ALKAL1: variants seen among roughly 807,000 people sequenced by gnomAD.
ALKAL1 encodes AUG-beta.
ALKAL1 carries 23 observed loss-of-function variants against 13.5 expected under a neutral mutation model. The ratio of observed to expected loss-of-function variants is 1.70; its 90% confidence interval spans 1.23 to 2.41. ALKAL1 has a LOEUF of 2.41. Among genes scored for constraint, ALKAL1 ranks in the 30% most tolerant of loss-of-function variants. The probability of loss-of-function intolerance (pLI) is 0.00; values close to 1 mark genes in which losing one functional copy is unlikely to be tolerated. For synonymous variants in ALKAL1, 85 were observed against 77.7 expected, an observed-to-expected ratio of 1.09 and a Z score of -0.49; for missense variants, 181 against 178.4, an observed-to-expected ratio of 1.01 and a Z score of -0.08.
At chr8:52,556,915 A>C (rs1847490142) in intron 1 of ALKAL1, among the ~76,000 whole-genome samples, 2 of 152,172 alleles carry the variant, frequency 1.3e-5, no homozygotes, top group Admixed American at 6.5e-5. Flanking sequence ...GTAATTCTTT[A>C]ATGTAGTAAT....
At chr8:52,541,168 T>C (rs879942997) in intron 2 of ALKAL1, among the ~76,000 whole-genome samples, 4 of 152,190 alleles carry the variant, frequency 2.6e-5, no homozygotes, top group Non-Finnish European at 4.4e-5. Context: ...GCACAGTATT[T>C]ATCTGTGCTC....
chr8:52,543,438 A>AG (rs1847333964), intron 1 of ALKAL1, among the ~76,000 whole-genome samples: 1 of 152,128 alleles, frequency 6.6e-6, no homozygotes, highest in Non-Finnish European at 1.5e-5. Context: ...TGAGCTCCTG[A>AG]GGGACGTGGG....
chr8:52,535,276 A>C (rs1235527664), intron 4 of ALKAL1, among the ~76,000 whole-genome samples: 1 of 152,058 alleles, frequency 6.6e-6, no homozygotes, highest in Non-Finnish European at 1.5e-5. Flanking sequence ...GGCCAGGCAC[A>C]ATGGCTCATG....
intron 1 of ALKAL1, among the ~76,000 whole-genome samples, chr8:52,548,267 C>T (rs184648851): frequency 1.3e-5 from 2 of 152,022 alleles, no homozygotes; most frequent in African/African-American, 2.4e-5. Flanking sequence ...AGGGGAATCA[C>T]GTGAACCTAG....
Position 52,565,101 on chromosome 8 carries a change from C to A in ALKAL1, c.156G>T (p.Gly52=), listed in dbSNP as rs1385177053. 2.8e-6 allele frequency: 4 copies of A among 1,418,394 alleles called. No homozygotes were observed. Among genetic ancestry groups the A allele is most frequent in the Admixed American group, 2.9e-5 (1 of 34,126 alleles). The allele number at this position is 1,418,394 out of a possible 1,614,324, so 87.9% of individuals were successfully genotyped here. The part of the protein sequence containing the change: ...PKPLLFLPAA[G]AGRTPSGSRS... ...GGGAGCCGCTGGGAGTCCGGCCGGCCCCGGCCGCGGGGAGGAAAAGCAACG... is the reference window on the plus strand; with the variant it reads ...GGGAGCCGCTGGGAGTCCGGCCGGCACCGGCCGCGGGGAGGAAAAGCAACG... The change falls in exon 1 of 5, where the codon GGG becomes GGT. Residue 52 remains glycine (G), a synonymous_variant. Coordinates refer to ENST00000358543, the MANE Select transcript of ALKAL1 (RefSeq NM_207413.4).
intron 1 of ALKAL1, among the ~76,000 whole-genome samples, chr8:52,543,684 A>C (rs939673305): frequency 2.6e-5 from 4 of 152,220 alleles, no homozygotes; most frequent in Non-Finnish European, 5.9e-5. Flanking sequence ...ATAATGCTCC[A>C]GCCCGAACAT....
intron 1 of ALKAL1, among the ~76,000 whole-genome samples, chr8:52,556,054 G>A (rs1442003577): frequency 6.6e-6 from 1 of 152,090 alleles, no homozygotes; most frequent in Non-Finnish European, 1.5e-5. Context: ...GCAAAAATTG[G>A]CTACAAGAAA....
intron 1 of ALKAL1, among the ~76,000 whole-genome samples, chr8:52,564,082 G>T (rs1290917475): frequency 6.6e-6 from 1 of 152,186 alleles, no homozygotes; most frequent in Non-Finnish European, 1.5e-5. Context: ...TGAGGAGAAG[G>T]GATCAGGAGC....
intron 1 of ALKAL1, among the ~76,000 whole-genome samples, chr8:52,553,863 C>T (rs544885870): frequency 1.3e-5 from 2 of 152,234 alleles, no homozygotes; most frequent in East Asian, 3.9e-4. Flanking sequence ...TCTAGTTAAT[C>T]CCCCTTCCAG....
At chr8:52,535,178 GAA>G (rs33921488) in intron 4 of ALKAL1, among the ~76,000 whole-genome samples, 25,816 of 151,978 alleles carry the variant, frequency 0.17, 2,474 homozygotes, top group South Asian at 0.26. Flanking sequence ...TAAAAACAAA[GAA>G]AGAGATAAAC....
At chr8:52,546,996 G>C (rs560652648) in intron 1 of ALKAL1, among the ~76,000 whole-genome samples, 2 of 152,312 alleles carry the variant, frequency 1.3e-5, no homozygotes, top group South Asian at 4.1e-4. Context: ...AAATTAAAAT[G>C]GTGGGAGGCG....
In ALKAL1 at chr8:52,534,531, A is replaced by G. The variant is rs1025607713; in HGVS notation, c.*82T>C. 1.0e-5 allele frequency: 6 copies of G among 584,728 alleles called. No homozygotes were observed. Among genetic ancestry groups the G allele is most frequent in the African/African-American group, 9.6e-5 (5 of 52,256 alleles). The allele number at this position is 584,728 out of a possible 1,614,324, so 36.2% of individuals were successfully genotyped here. On this transcript the variant is annotated 3_prime_UTR_variant, in exon 5 of 5. Transcript: ENST00000358543. ...TAATATCCATAAAAATATAAATTTC[A>G]TCTTTTTTTACATTTTGCATGATTT...
Position 52,552,565 on chromosome 8 carries a change from T to A in ALKAL1, c.191-10120A>T, listed in dbSNP as rs1023274899. On this transcript the variant is annotated intron_variant, in intron 1 of 4. Transcript: ENST00000358543. The stretch of plus-strand genomic sequence containing the variant: ...AGAGGTTTGTCTTTTCTCCTCCAGT[T>A]ATTTATTTACTCATTTATTTACACA... 2.6e-5 allele frequency among the ~76,000 whole-genome samples: 4 copies of A among 152,324 alleles called. No individual in the cohort carries two copies. In the South Asian group the frequency reaches 8.3e-4, roughly 32 times the overall value.
At chr8:52,542,504 A>G in intron 1 of ALKAL1, 59 bp from the exon 2 acceptor site, 1 of 1,033,476 alleles carries the variant, frequency 9.7e-7, no homozygotes, top group Non-Finnish European at 1.5e-6. Context: ...ATTTAAAAAT[A>G]TCCTTAATAT....
At chr8:52,536,500 C>T (rs935975399) in intron 4 of ALKAL1, among the ~76,000 whole-genome samples, 3 of 152,182 alleles carry the variant, frequency 2.0e-5, no homozygotes, top group Non-Finnish European at 2.9e-5. Context: ...AGGGCTCCTA[C>T]GATAAATTAG....
At chr8:52,549,598 T>A (rs1847409538) in intron 1 of ALKAL1, among the ~76,000 whole-genome samples, 1 of 152,170 alleles carries the variant, frequency 6.6e-6, no homozygotes, top group South Asian at 2.1e-4. Context: ...TATGACCTTT[T>A]AAATATATTA....
chr8:52,536,299 T>C (rs969991209), intron 4 of ALKAL1, among the ~76,000 whole-genome samples: 1 of 152,208 alleles, frequency 6.6e-6, no homozygotes, highest in South Asian at 2.1e-4. Context: ...TTAAAAGGAC[T>C]TGTCCATGGT....
At chr8:52,559,966 T>A (rs1270274159) in intron 1 of ALKAL1, among the ~76,000 whole-genome samples, 1 of 152,142 alleles carries the variant, frequency 6.6e-6, no homozygotes, top group Non-Finnish European at 1.5e-5. Context: ...AAAAAGTAAT[T>A]CTTCCTAAAA....
At chr8:52,563,087 C>G (rs944435941) in intron 1 of ALKAL1, among the ~76,000 whole-genome samples, 4 of 152,186 alleles carry the variant, frequency 2.6e-5, no homozygotes, top group Non-Finnish European at 2.9e-5. Context: ...CACTTTCTGT[C>G]TGACTATATT....
Sources: gnomAD v4.1 joint callset for allele counts (sites outside exome capture counted in the v4.1 genomes callset) on GRCh38, gnomAD v4.1.1 for gene constraint, MANE v1.5 for transcripts, NCBI Gene and HGNC (gene_info 2026-07-23, HGNC 2026-07-21) for gene names.